The following ZFAT variants were observed in gnomAD, a reference collection of about 807,000 sequenced individuals.
ZFAT encodes the protein zinc finger and AT-hook domain containing.
Under a neutral mutation model 117.7 loss-of-function variants are expected in ZFAT, and 64 were observed. The observed-to-expected ratio is 0.54, with a 90% CI of 0.44 to 0.67. The LOEUF (loss-of-function observed/expected upper bound fraction) is 0.67, where lower values mean the gene tolerates loss of function less well. Among genes scored for constraint, ZFAT ranks in the 30% least tolerant of loss-of-function variants. The pLI is 0.00. For synonymous variants in ZFAT, 679 were observed against 615.0 expected (o/e 1.10, Z -1.54); for missense variants, 1,433 against 1,584.5 (o/e 0.90, Z 1.62).
intron 1 of ZFAT, among the ~76,000 whole-genome samples, chr8:134,677,796 T>C (rs1832876625): frequency 6.6e-6 from 1 of 152,194 alleles, no homozygotes; most frequent in Non-Finnish European, 1.5e-5. Flanking sequence ...TAGTTCAACA[T>C]ACGTAAATAA....
rs531250674 is a variant in ZFAT at position 134,520,265 on chromosome 8, C to T, written c.3234+618G>A. ...AACAGCCTGTAGGGCACAGGACAGC[C>T]CTCCACAACAAAGGATTGTCCAGAT... On this transcript the variant is annotated intron_variant, in intron 13 of 15. Transcript: ENST00000377838. 6.8e-4 allele frequency among the ~76,000 whole-genome samples: 103 copies of T among 152,236 alleles called. 1 individual carries two copies. Among genetic ancestry groups the T allele is most frequent in the African/African-American group, 2.1e-3 (88 of 41,536 alleles).
intron 15 of ZFAT, among the ~76,000 whole-genome samples, chr8:134,485,372 C>T (rs11786204): frequency 0.24 from 37,096 of 152,178 alleles, 4,685 homozygotes; most frequent in East Asian, 0.3. Context: ...CATTTGACCC[C>T]AGCACAGTCT....
At chr8:134,610,685 T>C (rs780746240) in intron 3 of ZFAT, 30 bp from the exon 4 acceptor site, 272 of 1,606,848 alleles carry the variant, frequency 1.7e-4, no homozygotes, top group Non-Finnish European at 2.2e-4. Context: ...ATGCATAAGG[T>C]ATCCTTTTAT....
At chr8:134,696,650 G>C (rs1295137679) in intron 1 of ZFAT, 12 of 978,990 alleles carry the variant, frequency 1.2e-5, no homozygotes, top group South Asian at 4.7e-5. Context: ...AGGTGGGACA[G>C]GGCATCCTGC....
intron 15 of ZFAT, among the ~76,000 whole-genome samples, chr8:134,503,501 T>C (rs1291275101): frequency 1.3e-5 from 2 of 152,232 alleles, no homozygotes; most frequent in Admixed American, 1.3e-4. Context: ...ATATGTCAAC[T>C]TGACTGGGCC....
At chr8:134,760,995 C>T in the ZFAT span, among the ~76,000 whole-genome samples, 5 of 152,074 alleles carry the variant, frequency 3.3e-5, no homozygotes, top group East Asian at 3.9e-4. Flanking sequence ...GAGCAGACAC[C>T]GGAAGGGATC....
intron 7 of ZFAT, among the ~76,000 whole-genome samples, chr8:134,593,290 C>A (rs999492142): frequency 6.6e-6 from 1 of 151,560 alleles, no homozygotes; most frequent in Non-Finnish European, 1.5e-5. Flanking sequence ...TATCAGGGGC[C>A]CTTATTTTTT....
intron 10 of ZFAT, 55 bp downstream of exon 10, chr8:134,583,777 T>A: frequency 1.9e-6 from 3 of 1,584,958 alleles, no homozygotes; most frequent in Non-Finnish European, 2.6e-6. Context: ...AACTGGAACA[T>A]CAGCTTCAAA....
chr8:134,768,615 T>C, the ZFAT span, among the ~76,000 whole-genome samples: 2 of 152,188 alleles, frequency 1.3e-5, no homozygotes, highest in Non-Finnish European at 2.9e-5. Flanking sequence ...GAAACTCCCT[T>C]TTTAAAACCA....
intron 1 of ZFAT, among the ~76,000 whole-genome samples, chr8:134,710,953 A>C (rs1813969156): frequency 6.6e-6 from 1 of 152,230 alleles, no homozygotes; most frequent in Admixed American, 6.5e-5. Flanking sequence ...CACCATTAAT[A>C]CAGTGAAAAA....
At chr8:134,809,221 C>T in the ZFAT span, among the ~76,000 whole-genome samples, 3 of 152,192 alleles carry the variant, frequency 2.0e-5, no homozygotes, top group African/African-American at 7.2e-5. Flanking sequence ...ATGGCTTAGG[C>T]AACTGTTACT....
chr8:134,553,459 C>T (rs528290253), intron 11 of ZFAT, among the ~76,000 whole-genome samples: 4 of 152,228 alleles, frequency 2.6e-5, no homozygotes, highest in East Asian at 3.9e-4. Context: ...GCCGAGATCG[C>T]GCCACTGCAC....
intron 3 of ZFAT, among the ~76,000 whole-genome samples, chr8:134,629,656 C>G (rs7831903): frequency 0.45 from 68,600 of 151,964 alleles, 16,044 homozygotes; most frequent in South Asian, 0.56. Context: ...CCCCTTCATT[C>G]ACTCTCTCTC....
At chr8:134,782,830 C>T in the ZFAT span, among the ~76,000 whole-genome samples, 82 of 152,186 alleles carry the variant, frequency 5.4e-4, no homozygotes, top group Non-Finnish European at 1.0e-3. Flanking sequence ...TTATCAGTAG[C>T]ATGAAAATGG....
intron 11 of ZFAT, among the ~76,000 whole-genome samples, chr8:134,560,294 C>G (rs532766998): frequency 6.6e-6 from 1 of 152,298 alleles, no homozygotes; most frequent in East Asian, 1.9e-4. Context: ...CTCAATGTCT[C>G]TCACGACAGC....
At chr8:134,584,524 G>GA (rs1027497573) in intron 9 of ZFAT, among the ~76,000 whole-genome samples, 22 of 152,342 alleles carry the variant, frequency 1.4e-4, no homozygotes, top group African/African-American at 5.1e-4. Flanking sequence ...CAGGCACCAG[G>GA]ACCAAATGTG....
intron 3 of ZFAT, among the ~76,000 whole-genome samples, chr8:134,618,510 C>A (rs1294089698): frequency 6.6e-6 from 1 of 152,176 alleles, no homozygotes; most frequent in South Asian, 2.1e-4. Flanking sequence ...GATTTCAAGT[C>A]TGCCTCTTCA....
the ZFAT span, chr8:134,792,846 C>T: frequency 6.6e-6 from 1 of 152,158 alleles, no homozygotes; most frequent in Non-Finnish European, 1.5e-5. Flanking sequence ...TGCTTTTACA[C>T]AATTTCTGAT....
intron 11 of ZFAT, among the ~76,000 whole-genome samples, chr8:134,553,543 T>A (rs1250224866): frequency 6.6e-6 from 1 of 152,122 alleles, no homozygotes; most frequent in Non-Finnish European, 1.5e-5. Context: ...TGAAAGAATG[T>A]GCCACATTAG....
Sources: gnomAD v4.1 joint callset for allele counts (sites outside exome capture counted in the v4.1 genomes callset) on GRCh38, gnomAD v4.1.1 for gene constraint, MANE v1.5 for transcripts, NCBI Gene and HGNC (gene_info 2026-07-23, HGNC 2026-07-21) for gene names.